Variants in RIPK2 observed in about 807,000 individuals in gnomAD.
RIPK2 encodes receptor-interacting serine/threonine-protein kinase 2.
A neutral mutation model predicts 60.9 loss-of-function variants in RIPK2; 38 were observed. The ratio of observed to expected loss-of-function variants is 0.62; its 90% CI spans 0.48 to 0.82. The LOEUF is 0.82. RIPK2 is among the 40% of genes least tolerant of loss of function. The pLI is 0.00. For missense variants in RIPK2, 518 were observed against 647.0 expected, an observed-to-expected ratio of 0.80 and a Z score of 2.16; for synonymous variants, 225 against 223.4, an observed-to-expected ratio of 1.01 and a Z score of -0.06.
chr8:89,772,542 AG>A (rs1022589885), intron 5 of RIPK2, 124 bp from the exon 6 acceptor site: 4 of 644,706 alleles, frequency 6.2e-6, no homozygotes, highest in African/African-American at 3.7e-5. Flanking sequence ...TTTTACAGAA[AG>A]GGGGGTAAGG....
At chr8:89,763,089 A>G (rs1809172453) in intron 2 of RIPK2, 107 bp downstream of exon 2, 1 of 677,366 alleles carries the variant, frequency 1.5e-6, no homozygotes, top group Admixed American at 3.8e-5. Flanking sequence ...ATATAGATGA[A>G]TCAAAGAATA....
rs1180051202 is a variant in RIPK2, at chr8:89,758,004, C to T, written c.-57C>T. ...TGGGCGCCTGAGCGCGGCGTGGGAG[C>T]CTTGGGAGCCGCCGCAGCAGGGGGC... On this transcript the variant is annotated 5_prime_UTR_variant, in exon 1 of 11. Coordinates refer to ENST00000220751, the MANE Select transcript of RIPK2 (RefSeq NM_003821.6). 1 of 1,481,640 alleles carries T rather than the reference C, an allele frequency of 6.7e-7. No individual in the cohort carries two copies. The highest frequency in any genetic ancestry group is 2.3e-5 in the Admixed American group (1 of 44,442). 91.8% of individuals were successfully genotyped at this position (1,481,640 alleles called of 1,614,324 possible).
intron 7 of RIPK2, among the ~76,000 whole-genome samples, chr8:89,781,518 C>T (rs1809500500): frequency 6.6e-6 from 1 of 152,092 alleles, no homozygotes; most frequent in African/African-American, 2.4e-5. Flanking sequence ...CAGGCGTGGG[C>T]TACCACACTC....
intron 1 of RIPK2, chr8:89,759,319 C>T (rs1166313622): frequency 2.2e-6 from 1 of 456,142 alleles, no homozygotes; most frequent in East Asian, 6.9e-5. Flanking sequence ...TTACTTCCTA[C>T]AGGGATTTAA....
chr8:89,786,812 A>G, intron 9 of RIPK2, 126 bp downstream of exon 9: 1 of 663,078 alleles, frequency 1.5e-6, no homozygotes, highest in Non-Finnish European at 2.7e-6. Context: ...TTGTAAAGCG[A>G]CAGAGTCTAA....
chr8:89,787,425 A>T (rs1448538090), intron 9 of RIPK2, among the ~76,000 whole-genome samples: 1 of 152,182 alleles, frequency 6.6e-6, no homozygotes, highest in Non-Finnish European at 1.5e-5. Context: ...TAGCTGGCAC[A>T]TCTAAGACTT....
Position 89,778,128 on chromosome 8 carries a change from A to T in RIPK2, c.854-1947A>T, listed in dbSNP as rs986645003. 4.5e-4 allele frequency among the ~76,000 whole-genome samples: 69 copies of T among 151,746 alleles called. 2 individuals carry two copies. Among genetic ancestry groups the T allele is most frequent in the Admixed American group, 3.9e-4 (6 of 15,222 alleles). ...AGCAAGCAATATTTTTCCTTTTTTT[A>T]AAAAAAATATAGGTTAACTGAATTA... On this transcript the variant is annotated intron_variant, in intron 6 of 10. Coordinates refer to ENST00000220751, the MANE Select transcript of RIPK2 (RefSeq NM_003821.6).
intron 2 of RIPK2, among the ~76,000 whole-genome samples, chr8:89,763,329 G>C (rs973800109): frequency 6.6e-6 from 1 of 152,026 alleles, no homozygotes; most frequent in Non-Finnish European, 1.5e-5. Context: ...TATATTAATA[G>C]CAATTTCAAA....
In RIPK2 at chr8:89,772,666, G is replaced by C; in HGVS notation, c.692-1G>C. On this transcript the variant is annotated splice_acceptor_variant, in intron 5 of 10. Transcript: ENST00000220751. LOFTEE classifies it high-confidence loss of function. ...TGAATGCAATCTATTTGTTTTGACA[G>C]ATGTCACCAATCCTTTGCAGATAAT... is the stretch of plus-strand genomic sequence containing the variant. The C allele has an allele frequency of 6.3e-7, 1 of 1,592,294 alleles. No individual in the cohort carries two copies. The highest frequency in any genetic ancestry group is 1.7e-4 in the Middle Eastern group (1 of 5,976).
At chr8:89,769,515 A>G (rs1241279542) in intron 3 of RIPK2, among the ~76,000 whole-genome samples, 1 of 151,870 alleles carries the variant, frequency 6.6e-6, no homozygotes, top group African/African-American at 2.4e-5. Context: ...TCAATTTTCA[A>G]AAATTAGTCT....
intron 8 of RIPK2, among the ~76,000 whole-genome samples, chr8:89,784,739 T>G (rs389848): frequency 0.64 from 96,407 of 151,524 alleles, 32,583 homozygotes; most frequent in African/African-American, 0.88. Flanking sequence ...AGTCTGTTTA[T>G]CGTTGCTATA....
chr8:89,781,681 T>C (rs1163834443), intron 7 of RIPK2, among the ~76,000 whole-genome samples: 1 of 152,148 alleles, frequency 6.6e-6, no homozygotes, highest in African/African-American at 2.4e-5. Flanking sequence ...CCCTTATGCA[T>C]GGGAGATACA....
intron 3 of RIPK2, among the ~76,000 whole-genome samples, chr8:89,768,784 AT>A (rs1192920100): frequency 1.3e-5 from 2 of 151,576 alleles, no homozygotes; most frequent in South Asian, 2.1e-4. Context: ...GGAGGCCATA[AT>A]TTTTTTTATC....
chr8:89,771,621 T>C (rs915276692), intron 4 of RIPK2, 120 bp from the exon 5 acceptor site: 12 of 609,954 alleles, frequency 2.0e-5, no homozygotes, highest in Non-Finnish European at 2.8e-5. Flanking sequence ...CAGTAATTCT[T>C]TGCTGCCTTA....
Position 89,762,838 on chromosome 8 carries a change from G to A in RIPK2, c.183G>A (p.Lys61=). The change falls in exon 2 of 11, where the codon AAG becomes AAA. Residue 61 remains lysine, a synonymous_variant. Transcript: ENST00000220751. ...IHTPLLDSER[K]DVLREAEILH... ...CATTTTTTTTTCTTAGTGAAAGAAA[G>A]GATGTCTTAAGAGAAGCTGAAATTT... The A allele has an allele frequency of 7.1e-7, 1 of 1,405,280 alleles. No individual in the cohort carries two copies. Among genetic ancestry groups the A allele is most frequent in the Non-Finnish European group, 9.5e-7 (1 of 1,053,188 alleles). The allele number at this position is 1,405,280 out of a possible 1,614,324, so 87.1% of individuals were successfully genotyped here.
chr8:89,764,213 G>T (rs1809189490), intron 2 of RIPK2, among the ~76,000 whole-genome samples: 1 of 152,122 alleles, frequency 6.6e-6, no homozygotes, highest in Non-Finnish European at 1.5e-5. Flanking sequence ...TAGGGGACAG[G>T]CCTCTGTGTA....
At chr8:89,787,178 A>G (rs1005234523) in intron 9 of RIPK2, among the ~76,000 whole-genome samples, 7 of 152,194 alleles carry the variant, frequency 4.6e-5, no homozygotes, top group African/African-American at 1.7e-4. Context: ...AATAAATTTT[A>G]AAAAACAGGC....
intron 9 of RIPK2, 98 bp from the exon 10 acceptor site, chr8:89,789,223 A>T (rs1809634506): frequency 9.8e-7 from 1 of 1,023,136 alleles, no homozygotes; most frequent in African/African-American, 1.6e-5. Flanking sequence ...AACTAAAGAC[A>T]TTGGAGCCTA....
chr8:89,771,139 G>T (rs1265129056), intron 4 of RIPK2, among the ~76,000 whole-genome samples: 2 of 151,778 alleles, frequency 1.3e-5, no homozygotes, highest in Non-Finnish European at 3.0e-5. Context: ...ATTTGGGTAG[G>T]AATTCCCTCT....
Sources: allele counts gnomAD v4.1 joint callset (sites outside exome capture counted in the v4.1 genomes callset), GRCh38; gene constraint gnomAD v4.1.1; transcripts MANE v1.5; gene names NCBI Gene and HGNC (gene_info 2026-07-23, HGNC 2026-07-21).